The following NRIP1 variants were observed in gnomAD, a reference collection of about 807,000 sequenced individuals.
NRIP1 encodes nuclear receptor interacting protein 1, also known as nuclear receptor-interacting protein 1.
In NRIP1, 28 loss-of-function variants were observed where a neutral mutation model predicts 75.0. The ratio of observed to expected loss-of-function variants is 0.37; its 90% CI spans 0.28 to 0.51. The LOEUF is 0.51. Among genes scored for constraint, NRIP1 ranks in the 20% least tolerant of loss-of-function variants. NRIP1 has a pLI of 0.92. For synonymous variants in NRIP1, 526 were observed against 487.6 expected, an observed-to-expected ratio of 1.08 and a Z score of -1.04; for missense variants, 1,435 against 1,343.7, an observed-to-expected ratio of 1.07 and a Z score of -1.06.
At chr21:15,004,702 GATTA>G (rs1226913843) in intron 3 of NRIP1, among the ~76,000 whole-genome samples, 7 of 152,214 alleles carry the variant, frequency 4.6e-5, no homozygotes, top group African/African-American at 1.7e-4. Flanking sequence ...TTTTAACTAA[GATTA>G]ATTTTTTTTC....
chr21:15,045,416 C>A (rs1731930727), intron 1 of NRIP1, among the ~76,000 whole-genome samples: 1 of 152,182 alleles, frequency 6.6e-6, no homozygotes, highest in Non-Finnish European at 1.5e-5. Flanking sequence ...GTACTATAGT[C>A]TATTAAGTGT....
chr21:14,964,078 G>A lies in NRIP1; in HGVS notation c.*638C>T, dbSNP rs1186757437. The A allele has an allele frequency of 1.3e-5, 2 of 152,296 alleles. No homozygotes were observed. The highest frequency in any genetic ancestry group is 4.8e-5 in the African/African-American group (2 of 41,346). 9.4% of individuals were successfully genotyped at this position (152,296 alleles called of 1,614,324 possible). A position where few individuals can be genotyped will look rare whatever the true frequency, so the allele number is the denominator to read the frequency against. ...AATTGTAATCAATTTTTACTAAGTAGCACAAGGTTTAAAGAAATATATATT... is the reference window on the plus strand; with the variant it reads ...AATTGTAATCAATTTTTACTAAGTAACACAAGGTTTAAAGAAATATATATT... On this transcript the variant is annotated 3_prime_UTR_variant, in exon 4 of 4. Coordinates refer to ENST00000318948, the MANE Select transcript of NRIP1 (RefSeq NM_003489.4).
intron 3 of NRIP1, among the ~76,000 whole-genome samples, chr21:14,975,626 TAAAA>T (rs71183452): frequency 9.3e-6 from 1 of 107,530 alleles, no homozygotes; most frequent in Non-Finnish European, 1.9e-5. Context: ...ACTATTTCTT[TAAAA>T]AAAAAAAAAA....
At chr21:15,050,669 C>T (rs1419831069) in intron 1 of NRIP1, 3 of 453,628 alleles carry the variant, frequency 6.6e-6, no homozygotes, top group Admixed American at 2.4e-5. Context: ...AAAGCAAGTA[C>T]ATATGTGTGT....
rs765398071 is a variant in NRIP1 at position 14,965,414 on chromosome 21, C to T, written c.2779G>A (p.Ala927Thr). 2 of 1,614,004 alleles carry T rather than the reference C, an allele frequency of 1.2e-6. No homozygotes were observed. ...ACATTAAAGCTTTTGCTCTCTCTGGCCCAACTCCTGTGTTCACTTTCGCTG... is the reference window on the plus strand; with the variant it reads ...ACATTAAAGCTTTTGCTCTCTCTGGTCCAACTCCTGTGTTCACTTTCGCTG... ...SASESEHRSW[A>T]RESKSFNVLK... Residue 927 changes from alanine to threonine, a missense_variant, in exon 4 of 4, where the codon GCC (alanine) becomes ACC (threonine). Coordinates refer to ENST00000318948, the MANE Select transcript of NRIP1 (RefSeq NM_003489.4).
intron 3 of NRIP1, among the ~76,000 whole-genome samples, chr21:14,984,367 G>GT (rs544247644): frequency 0.19 from 26,778 of 139,036 alleles, 2,863 homozygotes; most frequent in East Asian, 0.45. Flanking sequence ...GTTGTTGCGG[G>GT]TTTTTTTTTT....
chr21:14,979,526 AG>A (rs1229193715), intron 3 of NRIP1, among the ~76,000 whole-genome samples: 2 of 152,230 alleles, frequency 1.3e-5, no homozygotes, highest in East Asian at 3.8e-4. Context: ...TAGGGTTTTT[AG>A]TACACTTAGA....
intron 2 of NRIP1, among the ~76,000 whole-genome samples, chr21:15,035,141 T>C (rs889723008): frequency 1.3e-5 from 2 of 152,198 alleles, no homozygotes; most frequent in Non-Finnish European, 2.9e-5. Flanking sequence ...TTCCATACTA[T>C]TCTATTTAAC....
At chr21:15,014,930 T>C (rs905401518) in intron 2 of NRIP1, among the ~76,000 whole-genome samples, 1 of 151,556 alleles carries the variant, frequency 6.6e-6, no homozygotes, top group Non-Finnish European at 1.5e-5. Flanking sequence ...GTAATAAATA[T>C]CAAATGCCCT....
Position 14,968,404 on chromosome 21 carries a change from A to T in NRIP1, c.-212T>A. 1.9e-6 allele frequency: 1 copy of T among 527,396 alleles called. No individual in the cohort carries two copies. Among genetic ancestry groups the T allele is most frequent in the South Asian group, 3.2e-5 (1 of 31,698 alleles). 32.7% of individuals were successfully genotyped at this position (527,396 alleles called of 1,614,324 possible). A position where few individuals can be genotyped will look rare whatever the true frequency, so the allele number is the denominator to read the frequency against. On this transcript the variant is annotated 5_prime_UTR_variant, in exon 4 of 4. Transcript: ENST00000318948. ...CCACAGTGCTGATCAACTTCTACGC[A>T]AGGAGGAGGAGAAGAATTCCTTAAC...
intron 2 of NRIP1, among the ~76,000 whole-genome samples, chr21:15,036,196 C>T (rs185025976): frequency 6.6e-6 from 1 of 152,124 alleles, no homozygotes; most frequent in Non-Finnish European, 1.5e-5. Context: ...ATTTTCTAAA[C>T]TTTATGCCCT....
Position 15,060,595 on chromosome 21 carries a change from T to C in NRIP1, c.-538+4150A>G, listed in dbSNP as rs552886286. ...TAAAGAAAATGTGATCTAATATTAA[T>C]TCATTTTCCTCCAAAGTATAACTCC... On this transcript the variant is annotated intron_variant, in intron 1 of 3. Coordinates refer to ENST00000318948, the MANE Select transcript of NRIP1 (RefSeq NM_003489.4). Among the ~76,000 whole-genome samples, 7 of 152,270 alleles carry C rather than the reference T, an allele frequency of 4.6e-5. No homozygotes were observed. The East Asian group carries it at 9.6e-4, about 21-fold the overall frequency.
At chr21:14,990,258 AT>A (rs1484217499) in intron 3 of NRIP1, among the ~76,000 whole-genome samples, 1 of 151,052 alleles carries the variant, frequency 6.6e-6, no homozygotes, top group Admixed American at 6.6e-5. Context: ...TCCATCTTTT[AT>A]TTCTCAAGTT....
chr21:14,966,193 T>C lies in NRIP1; in HGVS notation c.2000A>G (p.Asp667Gly), dbSNP rs766266273. The change falls in exon 4 of 4, where the codon GAT (aspartate) becomes GGT (glycine). Residue 667 changes from aspartate (D) to glycine (G), a missense_variant. By Grantham distance (94) the Asp-to-Gly change is moderately conservative. Transcript: ENST00000318948. ...GNTDKPIGMIDRLNSPLLSNK... is the reference protein window; with the variant it reads ...GNTDKPIGMIGRLNSPLLSNK... ...TGAGAGCAAAGGGCTATTTAATCTA[T>C]CAATCATACCTATCGGTTTATCTGT... 3 of 1,613,648 alleles carry C rather than the reference T, an allele frequency of 1.9e-6. No individual in the cohort carries two copies. In the South Asian group the frequency reaches 3.3e-5, roughly 18 times the overall value.
chr21:14,980,519 T>A (rs956756174), intron 3 of NRIP1, among the ~76,000 whole-genome samples: 1 of 151,506 alleles, frequency 6.6e-6, no homozygotes, highest in Admixed American at 6.6e-5. Context: ...CATACATATA[T>A]GCAATTATCT....
chr21:14,971,800 C>T (rs2086908504), intron 3 of NRIP1, among the ~76,000 whole-genome samples: 1 of 152,178 alleles, frequency 6.6e-6, no homozygotes, highest in Non-Finnish European at 1.5e-5. Context: ...ATAAAAGTCA[C>T]TATGTGTATG....
At chr21:15,011,294 A>T (rs907554689) in intron 3 of NRIP1, among the ~76,000 whole-genome samples, 1 of 152,018 alleles carries the variant, frequency 6.6e-6, no homozygotes, top group African/African-American at 2.4e-5. Context: ...GGTTCACGCC[A>T]TTCTCCTGCC....
chr21:14,983,159 C>A (rs1331427701), intron 3 of NRIP1, among the ~76,000 whole-genome samples: 1 of 151,706 alleles, frequency 6.6e-6, no homozygotes, highest in Non-Finnish European at 1.5e-5. Flanking sequence ...ATGTTGAAAG[C>A]CAAGACAGGC....
chr21:15,017,069 C>T (rs2088251659), intron 2 of NRIP1, among the ~76,000 whole-genome samples: 1 of 152,002 alleles, frequency 6.6e-6, no homozygotes, highest in African/African-American at 2.4e-5. Context: ...AAATTGATTA[C>T]TGGAACTTTA....
Sources: allele counts gnomAD v4.1 joint callset (sites outside exome capture counted in the v4.1 genomes callset), GRCh38; gene constraint gnomAD v4.1.1; transcripts MANE v1.5; gene names NCBI Gene and HGNC (gene_info 2026-07-23, HGNC 2026-07-21).